The following DLG2 variants were observed in gnomAD, a reference collection of about 807,000 sequenced individuals.
The protein encoded by DLG2 is disks large homolog 2.
A neutral mutation model predicts 132.5 loss-of-function variants in DLG2; 45 were observed. That is an observed-to-expected ratio of 0.34 (90% CI 0.27 to 0.44). The LOEUF (loss-of-function observed/expected upper bound fraction) is 0.44, where lower values mean the gene tolerates loss of function less well. Among genes scored for constraint, DLG2 ranks in the 20% least tolerant of loss-of-function variants. DLG2 has a pLI of 1.00. For missense variants in DLG2, 1,045 were observed against 1,196.9 expected (o/e 0.87, Z 1.87); for synonymous variants, 424 against 419.6 (o/e 1.01, Z -0.13).
At chr11:84,232,083 A>C (rs1278296393) in intron 8 of DLG2, among the ~76,000 whole-genome samples, 1 of 152,120 alleles carries the variant, frequency 6.6e-6, no homozygotes, top group Non-Finnish European at 1.5e-5. Context: ...GGAAAAAAAT[A>C]TATATAAAAG....
At chr11:85,399,013 T>C (rs887232895) in intron 3 of DLG2, among the ~76,000 whole-genome samples, 2 of 152,184 alleles carry the variant, frequency 1.3e-5, no homozygotes, top group Non-Finnish European at 2.9e-5. Flanking sequence ...GACCACATGA[T>C]TGTATATTTA....
At chr11:84,106,150 A>G (rs1362266907) in intron 9 of DLG2, among the ~76,000 whole-genome samples, 1 of 151,890 alleles carries the variant, frequency 6.6e-6, no homozygotes, top group Non-Finnish European at 1.5e-5. Context: ...CATTTAGGCT[A>G]CATGCCAGAA....
chr11:85,525,062 A>G (rs986914736), intron 3 of DLG2: 3 of 152,156 alleles, frequency 2.0e-5, no homozygotes, highest in African/African-American at 7.2e-5. Flanking sequence ...TAAAATTATA[A>G]CATTTGTCAA....
At position 85,060,063 on chromosome 11, in the gene DLG2, A is replaced by G. The variant is rs1014828869; in HGVS notation, c.357+51598T>C. ...CTGTAGAACTTTTTCACCTTGCATGACAAACTTTACATCCATTAAAGAAAA... is the reference window on the plus strand; with the variant it reads ...CTGTAGAACTTTTTCACCTTGCATGGCAAACTTTACATCCATTAAAGAAAA... On this transcript the variant is annotated intron_variant, in intron 6 of 27. Coordinates refer to ENST00000376104, the MANE Select transcript of DLG2 (RefSeq NM_001142699.3). Among the ~76,000 whole-genome samples, 12 of 151,640 alleles carry G rather than the reference A, an allele frequency of 7.9e-5. No individual in the cohort carries two copies. The South Asian group carries it at 2.5e-3, about 31-fold the overall frequency.
intron 17 of DLG2, among the ~76,000 whole-genome samples, chr11:83,807,461 G>A (rs755299023): frequency 6.6e-6 from 1 of 152,280 alleles, no homozygotes; most frequent in Middle Eastern, 3.4e-3. Flanking sequence ...CAGAGCTTCA[G>A]ATGTGAACGG....
chr11:84,880,967 A>G (rs2087226577), intron 6 of DLG2, among the ~76,000 whole-genome samples: 1 of 152,186 alleles, frequency 6.6e-6, no homozygotes, highest in South Asian at 2.1e-4. Context: ...GAGATTAAAA[A>G]CTAACAGATC....
intron 3 of DLG2, among the ~76,000 whole-genome samples, chr11:85,469,132 T>C (rs1339903355): frequency 2.0e-5 from 3 of 152,226 alleles, no homozygotes; most frequent in Non-Finnish European, 4.4e-5. Flanking sequence ...ATTTCTCTCA[T>C]ATCCAATCCA....
At chr11:85,060,581 A>G (rs1051861633) in intron 6 of DLG2, among the ~76,000 whole-genome samples, 1 of 151,058 alleles carries the variant, frequency 6.6e-6, no homozygotes, top group African/African-American at 2.4e-5. Context: ...CAACACCCCC[A>G]ATGGACATTT....
intron 18 of DLG2, among the ~76,000 whole-genome samples, chr11:83,666,484 G>A (rs187603870): frequency 6.6e-6 from 1 of 152,234 alleles, no homozygotes; most frequent in East Asian, 1.9e-4. Flanking sequence ...TGCTTCTTGT[G>A]AGAATCTAAT....
At chr11:84,545,253 G>T in intron 6 of DLG2, 1 of 483,076 alleles carries the variant, frequency 2.1e-6, no homozygotes, top group Admixed American at 2.2e-5. Context: ...TGCCTCCTAA[G>T]GTTTCTCTCC....
At chr11:84,982,256 CTGTG>C (rs1373161802) in intron 6 of DLG2, among the ~76,000 whole-genome samples, 4 of 152,216 alleles carry the variant, frequency 2.6e-5, no homozygotes, top group Non-Finnish European at 1.5e-5. Flanking sequence ...ACCCAACTGC[CTGTG>C]TAACATCTCT....
intron 11 of DLG2, among the ~76,000 whole-genome samples, chr11:84,029,774 C>T (rs1281841068): frequency 6.6e-6 from 1 of 152,068 alleles, no homozygotes; most frequent in African/African-American, 2.4e-5. Flanking sequence ...ATGCTCTTTT[C>T]TACTTTGGGG....
chr11:84,548,600 AG>A (rs1235158350), intron 6 of DLG2, among the ~76,000 whole-genome samples: 22 of 152,330 alleles, frequency 1.4e-4, no homozygotes, highest in African/African-American at 5.3e-4. Context: ...GTCCCTACAA[AG>A]GACATGAACT....
At chr11:83,661,521 C>T (rs1355345047) in intron 18 of DLG2, among the ~76,000 whole-genome samples, 1 of 152,088 alleles carries the variant, frequency 6.6e-6, no homozygotes, top group Admixed American at 6.5e-5. Flanking sequence ...TCATTTAATC[C>T]TCATGCTGCT....
intron 6 of DLG2, among the ~76,000 whole-genome samples, chr11:84,851,921 C>T (rs2082214562): frequency 6.6e-6 from 1 of 151,414 alleles, no homozygotes; most frequent in Non-Finnish European, 1.5e-5. Context: ...AATTGGGTCA[C>T]AATAAAAATA....
At chr11:83,498,675 G>GAAA (rs149518875) in intron 21 of DLG2, among the ~76,000 whole-genome samples, 84 of 133,004 alleles carry the variant, frequency 6.3e-4, no homozygotes, top group Non-Finnish European at 7.7e-4. Flanking sequence ...AAAGCAAGGA[G>GAAA]AAAAAAAAAA....
chr11:83,669,267 G>T (rs571076196), intron 18 of DLG2, among the ~76,000 whole-genome samples: 1 of 151,850 alleles, frequency 6.6e-6, no homozygotes, highest in Non-Finnish European at 1.5e-5. Flanking sequence ...AATAATATTC[G>T]CACCTCTAGC....
chr11:85,465,788 C>A (rs1269310419), intron 3 of DLG2, among the ~76,000 whole-genome samples: 1 of 151,932 alleles, frequency 6.6e-6, no homozygotes, highest in Admixed American at 6.6e-5. Flanking sequence ...GTCTTTATAG[C>A]AGCATGATTT....
chr11:83,511,089 C>CACACACACACACACACAA (rs2095002881), intron 21 of DLG2, among the ~76,000 whole-genome samples: 1 of 137,660 alleles, frequency 7.3e-6, no homozygotes, highest in East Asian at 2.0e-4. Flanking sequence ...CACACACAGA[C>CACACACACACACACACAA]ACACACACAC....
Sources: allele counts gnomAD v4.1 joint callset (sites outside exome capture counted in the v4.1 genomes callset), GRCh38; gene constraint gnomAD v4.1.1; transcripts MANE v1.5; gene names NCBI Gene and HGNC (gene_info 2026-07-23, HGNC 2026-07-21).